The following RHOU variants were observed in gnomAD, a reference collection of about 807,000 sequenced individuals.
The protein encoded by RHOU is ras homolog family member U.
Under a neutral mutation model 12.6 loss-of-function variants are expected in RHOU, and 8 were observed. That is an observed-to-expected ratio of 0.64 (90% CI 0.37 to 1.15). The LOEUF is 1.15. Among genes scored for constraint, RHOU ranks in the 50% most tolerant of loss-of-function variants. The pLI, the probability that RHOU is intolerant of heterozygous loss-of-function variation, is 0.01. For missense variants in RHOU, 258 were observed against 347.0 expected, an observed-to-expected ratio of 0.74 and a Z score of 2.04; for synonymous variants, 161 against 147.4, an observed-to-expected ratio of 1.09 and a Z score of -0.67.
chr1:228,712,148 A>T, the RHOU span, among the ~76,000 whole-genome samples: 1 of 152,116 alleles, frequency 6.6e-6, no homozygotes, highest in African/African-American at 2.4e-5. Context: ...ATCATTAAAA[A>T]GTCAGGAAAT....
chr1:228,711,102 G>A, the RHOU span, among the ~76,000 whole-genome samples: 2 of 151,532 alleles, frequency 1.3e-5, no homozygotes, highest in African/African-American at 4.9e-5. Flanking sequence ...AACTTACAAG[G>A]GATGTGAAGG....
the RHOU span, among the ~76,000 whole-genome samples, chr1:228,667,542 C>A: frequency 0.015 from 2,342 of 152,222 alleles, 63 homozygotes; most frequent in African/African-American, 0.052. Flanking sequence ...CCTGTGGGAG[C>A]CCCTCTCTCA....
At chr1:228,707,255 A>AGTGTGT in the RHOU span, among the ~76,000 whole-genome samples, 1 of 40,710 alleles carries the variant, frequency 2.5e-5, no homozygotes, top group Non-Finnish European at 4.5e-5. Flanking sequence ...ATATATATAT[A>AGTGTGT]GTGTGTGTGT....
At chr1:228,662,508 A>T in the RHOU span, among the ~76,000 whole-genome samples, 1 of 152,230 alleles carries the variant, frequency 6.6e-6, no homozygotes, top group Non-Finnish European at 1.5e-5. Context: ...GCCACAAAAA[A>T]GGATGAGTTC....
Position 228,735,638 on chromosome 1 carries a change from C to T in RHOU, c.-105C>T. The T allele has an allele frequency of 1.1e-6, 1 of 921,084 alleles. No homozygotes were observed. Among genetic ancestry groups the T allele is most frequent in the South Asian group, 5.4e-5 (1 of 18,510 alleles). The allele number at this position is 921,084 out of a possible 1,614,324, so 57.1% of individuals were successfully genotyped here. ...CACTCTCCAGGGCCGGGGACGCGCC[C>T]GCAGCTGTCGGTGACAGCTCCTCCC... is the stretch of plus-strand genomic sequence containing the variant. On this transcript the variant is annotated 5_prime_UTR_variant, in exon 1 of 3. Coordinates refer to ENST00000366691, the MANE Select transcript of RHOU (RefSeq NM_021205.6). The surrounding 1 kb of genome is among the most constrained non-coding windows in gnomAD (Gnocchi z 8.1).
At chr1:228,679,587 T>C in the RHOU span, among the ~76,000 whole-genome samples, 1 of 151,978 alleles carries the variant, frequency 6.6e-6, no homozygotes, top group Non-Finnish European at 1.5e-5. Flanking sequence ...TGAACTAAAA[T>C]GTAAGGCTTG....
At chr1:228,729,175 T>A in the RHOU span, among the ~76,000 whole-genome samples, 5 of 152,156 alleles carry the variant, frequency 3.3e-5, no homozygotes, top group African/African-American at 9.7e-5. Flanking sequence ...ATTACAAGCA[T>A]GAGCCACCGT....
At chr1:228,652,910 C>T in the RHOU span, among the ~76,000 whole-genome samples, 1 of 152,076 alleles carries the variant, frequency 6.6e-6, no homozygotes, top group African/African-American at 2.4e-5. Context: ...AAAGTGAAAG[C>T]ATTTATTTTT....
upstream of RHOU, among the ~76,000 whole-genome samples, chr1:228,731,706 G>A (rs919722455): frequency 9.9e-5 from 15 of 152,090 alleles, no homozygotes; most frequent in African/African-American, 3.6e-4. Context: ...TGTAGTTCGA[G>A]GAGAAGACAC....
At chr1:228,706,009 A>G in the RHOU span, among the ~76,000 whole-genome samples, 1 of 152,110 alleles carries the variant, frequency 6.6e-6, no homozygotes, top group Non-Finnish European at 1.5e-5. Flanking sequence ...TGCACCATTG[A>G]ACTTCAGCTT....
the RHOU span, among the ~76,000 whole-genome samples, chr1:228,706,504 G>A: frequency 6.6e-6 from 1 of 152,182 alleles, no homozygotes; most frequent in African/African-American, 2.4e-5. Context: ...GCCTATGATT[G>A]GCTGGAACTC....
In RHOU at chr1:228,737,925, C is replaced by G. The variant is rs879901426; in HGVS notation, c.321+194C>G. Among the ~76,000 whole-genome samples the G allele has an allele frequency of 2.0e-5, 3 of 152,178 alleles. No individual in the cohort carries two copies. Among genetic ancestry groups the G allele is most frequent in the Non-Finnish European group, 4.4e-5 (3 of 68,034 alleles). On this transcript the variant is annotated intron_variant, in intron 2 of 2. Transcript: ENST00000366691. This position sits in a 1 kb window ranked among gnomAD's most constrained non-coding sequence, Gnocchi z 4.1. Reference sequence around the variant, plus strand: ...GCCGGCAGGAAGCAGAGGAAGATACCTCCAAACTAATAAAGCAGGGTTTGG... The same window carrying G: ...GCCGGCAGGAAGCAGAGGAAGATACGTCCAAACTAATAAAGCAGGGTTTGG...
the RHOU span, among the ~76,000 whole-genome samples, chr1:228,711,099 A>G: frequency 6.6e-6 from 1 of 151,798 alleles, no homozygotes; most frequent in Non-Finnish European, 1.5e-5. Flanking sequence ...TCCAACTTAC[A>G]AGGGATGTGA....
rs761572321 is a variant in RHOU, at chr1:228,735,871, G to T, written c.129G>T (p.Gly43=). The change falls in exon 1 of 3, where the codon GGG becomes GGT. Residue 43 remains glycine (G), a synonymous_variant. Transcript: ENST00000366691. This position sits in a 1 kb window ranked among gnomAD's most constrained non-coding sequence, Gnocchi z 8.1. ...AGCCGGGGGGCCGGGGGCGTGCGGG[G>T]GGTGCCGAGGGGCGCGGCGTCAAGT... is the stretch of plus-strand genomic sequence containing the variant. ...PGEPGGRGRA[G]GAEGRGVKCV... 1.4e-5 allele frequency: 21 copies of T among 1,474,348 alleles called. No homozygotes were observed. Among genetic ancestry groups the T allele is most frequent in the Non-Finnish European group, 1.8e-5 (20 of 1,116,964 alleles). The allele number at this position is 1,474,348 out of a possible 1,614,324, so 91.3% of individuals were successfully genotyped here. A position where few individuals can be genotyped will look rare whatever the true frequency, so the allele number is the denominator to read the frequency against.
chr1:228,666,855 C>T, the RHOU span, among the ~76,000 whole-genome samples: 1 of 152,192 alleles, frequency 6.6e-6, no homozygotes, highest in Non-Finnish European at 1.5e-5. Context: ...ACTAGAAAAG[C>T]CCTCCCAGAG....
the RHOU span, among the ~76,000 whole-genome samples, chr1:228,686,320 T>C: frequency 6.6e-6 from 1 of 152,070 alleles, no homozygotes; most frequent in Non-Finnish European, 1.5e-5. Flanking sequence ...TAATAAAGAG[T>C]TTCTGTTTGA....
At chr1:228,699,447 C>CAA in the RHOU span, among the ~76,000 whole-genome samples, 197 of 40,586 alleles carry the variant, frequency 4.9e-3, 36 homozygotes, top group East Asian at 0.066. Context: ...GAACCTGTCT[C>CAA]AAAAAAAAAA....
the RHOU span, among the ~76,000 whole-genome samples, chr1:228,719,857 T>C: frequency 4.1e-4 from 62 of 152,336 alleles, no homozygotes; most frequent in African/African-American, 1.4e-3. Flanking sequence ...ATTCAGTAGC[T>C]TTCTCTCCTG....
At chr1:228,703,989 A>G in the RHOU span, among the ~76,000 whole-genome samples, 4 of 152,184 alleles carry the variant, frequency 2.6e-5, no homozygotes, top group Non-Finnish European at 4.4e-5. Flanking sequence ...GGACAACGGA[A>G]AGATAGAACT....
Sources: gnomAD v4.1 joint callset for allele counts (sites outside exome capture counted in the v4.1 genomes callset) on GRCh38, gnomAD v4.1.1 for gene constraint, Gnocchi (gnomAD v3.1) non-coding constraint, MANE v1.5 for transcripts, NCBI Gene and HGNC (gene_info 2026-07-23, HGNC 2026-07-21) for gene names.